ASXL3: variants seen among roughly 807,000 people sequenced by gnomAD.
ASXL3 encodes ASXL transcriptional regulator 3, also known as putative Polycomb group protein ASXL3.
In ASXL3, 34 loss-of-function variants were observed where a neutral mutation model predicts 170.6. That is an observed-to-expected ratio of 0.20 (90% CI 0.15 to 0.27). ASXL3 has a LOEUF of 0.27. Among genes scored for constraint, ASXL3 ranks in the 10% least tolerant of loss-of-function variants. The pLI, the probability that ASXL3 is intolerant of heterozygous loss-of-function variation, is 1.00. For synonymous variants in ASXL3, 1,002 were observed against 989.1 expected (o/e 1.01, Z -0.24); for missense variants, 2,592 against 2,695.3 (o/e 0.96, Z 0.85).
At chr18:33,600,368 A>G (rs2065171730) in intron 1 of ASXL3, among the ~76,000 whole-genome samples, 2 of 152,144 alleles carry the variant, frequency 1.3e-5, no homozygotes, top group African/African-American at 4.8e-5. Context: ...AAAGGCAAAA[A>G]CTAGGATTAC....
At chr18:33,704,095 A>T (rs962948083) in intron 8 of ASXL3, among the ~76,000 whole-genome samples, 8 of 152,192 alleles carry the variant, frequency 5.3e-5, no homozygotes, top group African/African-American at 1.9e-4. Context: ...AAAAAGTGAC[A>T]TATTAGTAGT....
intron 8 of ASXL3, among the ~76,000 whole-genome samples, chr18:33,718,351 G>A (rs974266120): frequency 1.3e-5 from 2 of 152,114 alleles, no homozygotes; most frequent in Non-Finnish European, 2.9e-5. Context: ...GAAAGGAGCA[G>A]CACCCAAATG....
intron 8 of ASXL3, among the ~76,000 whole-genome samples, chr18:33,690,506 C>T (rs1599499245): frequency 1.3e-5 from 2 of 152,238 alleles, no homozygotes; most frequent in Middle Eastern, 3.4e-3. Flanking sequence ...AGCCTATTTA[C>T]GTAATATATA....
chr18:33,744,388 G>A lies in ASXL3; in HGVS notation c.4540G>A (p.Val1514Met), dbSNP rs763251902. The A allele has an allele frequency of 7.4e-6, 12 of 1,613,706 alleles. No homozygotes were observed. The highest frequency in any genetic ancestry group is 3.3e-5 in the Admixed American group (2 of 59,982). ...PVRTEASVQP[V>M]ACPQVSVISR... ...GAGGACAGAGGCATCCGTACAGCCC[G>A]TGGCGTGTCCTCAGGTGTCTGTGAT... is the stretch of plus-strand genomic sequence containing the variant. The change falls in exon 12 of 12, where the codon GTG becomes ATG. Residue 1514 changes from valine (V) to methionine (M), a missense_variant. Transcript: ENST00000269197.
chr18:33,615,385 C>A (rs1382667351), intron 2 of ASXL3, among the ~76,000 whole-genome samples: 1 of 152,084 alleles, frequency 6.6e-6, no homozygotes, highest in Non-Finnish European at 1.5e-5. Context: ...TTTATATGGG[C>A]ACTGTTCATG....
chr18:33,720,656 T>C (rs1432830549), intron 8 of ASXL3, among the ~76,000 whole-genome samples: 1 of 152,100 alleles, frequency 6.6e-6, no homozygotes, highest in African/African-American at 2.4e-5. Flanking sequence ...CACAAGTTTG[T>C]TTGTCATGAA....
At chr18:33,590,482 A>G (rs2065068981) in intron 1 of ASXL3, among the ~76,000 whole-genome samples, 1 of 152,164 alleles carries the variant, frequency 6.6e-6, no homozygotes, top group Non-Finnish European at 1.5e-5. Flanking sequence ...TGCTGGAAAA[A>G]CAAATTATAA....
rs189133912 is a variant in ASXL3, at chr18:33,639,270, C to T, written c.138-5624C>T. ...AGTTTTATTATCCACATTTTAGAGT[C>T]AAGGGACCTGTGACCTAGAGAAGTC... On this transcript the variant is annotated intron_variant, in intron 2 of 11. Transcript: ENST00000269197. Among the ~76,000 whole-genome samples the T allele has an allele frequency of 7.2e-3, 1,092 of 152,144 alleles. 6 individuals are homozygous for T. The highest frequency in any genetic ancestry group is 0.021 in the Admixed American group (319 of 15,254).
At chr18:33,741,827 C>T (rs2067668455) in intron 11 of ASXL3, among the ~76,000 whole-genome samples, 1 of 152,196 alleles carries the variant, frequency 6.6e-6, no homozygotes, top group African/African-American at 2.4e-5. Context: ...CCTGCACAGC[C>T]TCAGTTTCCT....
chr18:33,720,472 T>TC (rs756653878), intron 8 of ASXL3, among the ~76,000 whole-genome samples: 1 of 151,972 alleles, frequency 6.6e-6, no homozygotes, highest in East Asian at 1.9e-4. Flanking sequence ...GGAAGTTTTT[T>TC]CCCCCCTTCC....
intron 8 of ASXL3, among the ~76,000 whole-genome samples, chr18:33,701,433 G>A (rs190713887): frequency 1.3e-5 from 2 of 152,156 alleles, no homozygotes. Flanking sequence ...CACAGAGGAT[G>A]AATTTCCACT....
intron 2 of ASXL3, among the ~76,000 whole-genome samples, chr18:33,617,566 A>G (rs2065446028): frequency 6.6e-6 from 1 of 152,200 alleles, no homozygotes. Context: ...AACCTTTGGT[A>G]AAAATAGCTG....
At chr18:33,582,731 TGTGTG>T (rs2065004110) in intron 1 of ASXL3, among the ~76,000 whole-genome samples, 7 of 150,688 alleles carry the variant, frequency 4.6e-5, no homozygotes, top group Admixed American at 3.3e-4. Context: ...TGTGTGTGTG[TGTGTG>T]TGTGTTTTCT....
rs1207357054 is a variant in ASXL3 at position 33,708,515 on chromosome 18, C to T, written c.880-23453C>T. ...GACATGTATATAATATTGAGTCTTC[C>T]AGTCCATAAGTACTATATAACACCC... is the stretch of plus-strand genomic sequence containing the variant. On this transcript the variant is annotated intron_variant, in intron 8 of 11. Transcript: ENST00000269197. 4.6e-5 allele frequency among the ~76,000 whole-genome samples: 7 copies of T among 152,246 alleles called. No individual in the cohort carries two copies. The East Asian group carries it at 1.4e-3, about 29-fold the overall frequency.
At chr18:33,581,056 A>G (rs2064987464) in intron 1 of ASXL3, among the ~76,000 whole-genome samples, 1 of 152,192 alleles carries the variant, frequency 6.6e-6, no homozygotes, top group Non-Finnish European at 1.5e-5. Flanking sequence ...ACCATTAACC[A>G]AATTAATATT....
intron 1 of ASXL3, among the ~76,000 whole-genome samples, chr18:33,594,429 T>A (rs975502346): frequency 2.6e-5 from 4 of 152,162 alleles, no homozygotes; most frequent in Non-Finnish European, 4.4e-5. Flanking sequence ...AAATCAGGAC[T>A]AAGGAAGGCT....
intron 2 of ASXL3, among the ~76,000 whole-genome samples, chr18:33,613,302 TA>T (rs1181444806): frequency 6.6e-6 from 1 of 152,096 alleles, no homozygotes; most frequent in Non-Finnish European, 1.5e-5. Context: ...ACTTATTCCT[TA>T]CCTTACCTGG....
chr18:33,607,326 G>C (rs886885075), intron 1 of ASXL3, among the ~76,000 whole-genome samples: 1 of 151,842 alleles, frequency 6.6e-6, no homozygotes, highest in Non-Finnish European at 1.5e-5. Flanking sequence ...TTGTTAACTT[G>C]TTTTCTTTAG....
At chr18:33,650,510 A>G (rs760245095) in intron 4 of ASXL3, among the ~76,000 whole-genome samples, 7 of 152,122 alleles carry the variant, frequency 4.6e-5, no homozygotes, top group Non-Finnish European at 8.8e-5. Context: ...CAGAGAAAAT[A>G]TGGAGGCTGC....
Sources: allele counts gnomAD v4.1 joint callset (sites outside exome capture counted in the v4.1 genomes callset), GRCh38; gene constraint gnomAD v4.1.1; transcripts MANE v1.5; gene names NCBI Gene and HGNC (gene_info 2026-07-23, HGNC 2026-07-21).